The following FSTL4 variants were observed in gnomAD, a reference collection of about 807,000 sequenced individuals.
FSTL4 encodes follistatin like 4.
In FSTL4, 28 loss-of-function variants were observed where a neutral mutation model predicts 78.2. That is an observed-to-expected ratio of 0.36 (90% confidence interval 0.27 to 0.49). The LOEUF (loss-of-function observed/expected upper bound fraction) is 0.49. FSTL4 is among the 20% of genes least tolerant of loss of function. The probability of loss-of-function intolerance (pLI) is 0.98; values close to 1 mark genes in which losing one functional copy is unlikely to be tolerated. For synonymous variants in FSTL4, 422 were observed against 440.5 expected, an observed-to-expected ratio of 0.96 and a Z score of 0.53; for missense variants, 922 against 1,084.9, an observed-to-expected ratio of 0.85 and a Z score of 2.11.
the FSTL4 span, among the ~76,000 whole-genome samples, chr5:133,646,075 C>G: frequency 1.3e-5 from 2 of 152,080 alleles, no homozygotes; most frequent in Non-Finnish European, 2.9e-5. Context: ...GCATGCAGTC[C>G]AGGAGAGCAA....
chr5:133,801,007 G>T, the FSTL4 span, among the ~76,000 whole-genome samples: 2 of 152,016 alleles, frequency 1.3e-5, no homozygotes, highest in East Asian at 3.9e-4. Context: ...GGCACCCGGG[G>T]GTCCTCGAAG....
chr5:133,558,133 A>G (rs1759828523), intron 3 of FSTL4, among the ~76,000 whole-genome samples: 1 of 152,202 alleles, frequency 6.6e-6, no homozygotes, highest in African/African-American at 2.4e-5. Context: ...TGACTCATCT[A>G]TAAGGGCAGG....
In FSTL4 at chr5:133,316,440, C is replaced by T. The variant is rs1418298939; in HGVS notation, c.603+19G>A. ...CTGGATTCCTCCATCATGTGACTTTCACTGAACACGATGCCCACCTGAGCC... is the reference window on the plus strand; with the variant it reads ...CTGGATTCCTCCATCATGTGACTTTTACTGAACACGATGCCCACCTGAGCC... On this transcript the variant is annotated intron_variant, in intron 5 of 15. Coordinates refer to ENST00000265342, the MANE Select transcript of FSTL4 (RefSeq NM_015082.2). The T allele has an allele frequency of 1.9e-6, 3 of 1,601,708 alleles. No homozygotes were observed.
At chr5:133,683,673 T>G in the FSTL4 span, among the ~76,000 whole-genome samples, 1 of 152,224 alleles carries the variant, frequency 6.6e-6, no homozygotes, top group African/African-American at 2.4e-5. Context: ...TCCCCCTCTC[T>G]TCTCAGTTTT....
intron 6 of FSTL4, among the ~76,000 whole-genome samples, chr5:133,261,286 G>A (rs1276888658): frequency 6.6e-6 from 1 of 152,044 alleles, no homozygotes; most frequent in African/African-American, 2.4e-5. Context: ...GATGCCCGTC[G>A]GGGTTACTGG....
At chr5:133,743,161 G>A in the FSTL4 span, among the ~76,000 whole-genome samples, 15 of 152,114 alleles carry the variant, frequency 9.9e-5, no homozygotes, top group Non-Finnish European at 2.1e-4. Flanking sequence ...TGTTGTTGAA[G>A]GTGGGAAAGA....
At chr5:133,615,871 GGAATTTTAAT>G (rs1378270552), upstream of FSTL4, among the ~76,000 whole-genome samples, 1 of 152,160 alleles carries the variant, frequency 6.6e-6, no homozygotes, top group Non-Finnish European at 1.5e-5. Context: ...GTATAGAGTA[GGAATTTTAAT>G]GAAGAAGTTG....
chr5:133,539,736 C>T (rs1759429272), intron 3 of FSTL4, among the ~76,000 whole-genome samples: 1 of 152,110 alleles, frequency 6.6e-6, no homozygotes, highest in South Asian at 2.1e-4. Context: ...CAGCCTGCTT[C>T]CTTCTTGTAG....
intron 5 of FSTL4, among the ~76,000 whole-genome samples, chr5:133,316,037 A>C (rs1753894890): frequency 6.6e-6 from 1 of 152,198 alleles, no homozygotes; most frequent in Non-Finnish European, 1.5e-5. Context: ...TCTGCAAACA[A>C]GCAGTCCGAG....
chr5:133,603,270 C>G (rs151302760), intron 2 of FSTL4, among the ~76,000 whole-genome samples: 22 of 152,262 alleles, frequency 1.4e-4, no homozygotes, highest in African/African-American at 5.1e-4. Context: ...GTTCACTAAG[C>G]AATTAGCAGA....
At chr5:133,288,033 C>A (rs1753177025) in intron 6 of FSTL4, among the ~76,000 whole-genome samples, 1 of 152,238 alleles carries the variant, frequency 6.6e-6, no homozygotes, top group Admixed American at 6.5e-5. Context: ...TCAGTCATCT[C>A]ATCTGTAAAC....
chr5:133,674,611 C>CTGTG, the FSTL4 span, among the ~76,000 whole-genome samples: 392 of 138,518 alleles, frequency 2.8e-3, 4 homozygotes, highest in Middle Eastern at 0.013. Context: ...GTGTGTGTGT[C>CTGTG]TGTGTGTGTG....
chr5:133,257,289 C>T (rs1752403464), intron 6 of FSTL4, among the ~76,000 whole-genome samples: 1 of 152,196 alleles, frequency 6.6e-6, no homozygotes, highest in Non-Finnish European at 1.5e-5. Flanking sequence ...TGTCTACAGA[C>T]CCCAGGTTAA....
At chr5:133,622,294 C>G in the FSTL4 span, among the ~76,000 whole-genome samples, 10 of 152,204 alleles carry the variant, frequency 6.6e-5, no homozygotes, top group African/African-American at 2.4e-4. Context: ...TGTTTAACCA[C>G]CTGGCTTTTT....
At chr5:133,831,522 T>G in the FSTL4 span, among the ~76,000 whole-genome samples, 1 of 152,200 alleles carries the variant, frequency 6.6e-6, no homozygotes, top group African/African-American at 2.4e-5. Context: ...TCATATCACC[T>G]CGTAAACGAC....
At chr5:133,733,034 G>A in the FSTL4 span, among the ~76,000 whole-genome samples, 1 of 152,202 alleles carries the variant, frequency 6.6e-6, no homozygotes, top group African/African-American at 2.4e-5. Context: ...ACCTAGCATA[G>A]TGCTTCAGCC....
At chr5:133,292,555 C>CA (rs35459497) in intron 6 of FSTL4, among the ~76,000 whole-genome samples, 78,995 of 145,410 alleles carry the variant, frequency 0.54, 21,093 homozygotes, top group Middle Eastern at 0.65. Context: ...ACCTGTGAAT[C>CA]AAAAAAAAAA....
At chr5:133,411,134 T>G (rs542371438) in intron 3 of FSTL4, among the ~76,000 whole-genome samples, 1 of 152,292 alleles carries the variant, frequency 6.6e-6, no homozygotes, top group South Asian at 2.1e-4. Flanking sequence ...GCAATTGCCC[T>G]ATCAGGTACT....
chr5:133,541,167 G>A (rs1009320349), intron 3 of FSTL4, among the ~76,000 whole-genome samples: 4 of 152,206 alleles, frequency 2.6e-5, no homozygotes, highest in East Asian at 1.9e-4. Flanking sequence ...AACAACAAGC[G>A]TTGCATTATT....
Sources: allele counts gnomAD v4.1 joint callset (sites outside exome capture counted in the v4.1 genomes callset), GRCh38; gene constraint gnomAD v4.1.1; transcripts MANE v1.5; gene names NCBI Gene and HGNC (gene_info 2026-07-23, HGNC 2026-07-21).